Variants in BICD2 observed in about 807,000 individuals in gnomAD.
BICD2 encodes BICD cargo adaptor 2, also known as protein bicaudal D homolog 2.
In BICD2, 25 loss-of-function variants were observed where a neutral mutation model predicts 72.9. The ratio of observed to expected loss-of-function variants is 0.34; its 90% CI spans 0.25 to 0.48. The LOEUF is 0.48. BICD2 is among the 20% of genes least tolerant of loss of function. The pLI, the probability that BICD2 is intolerant of heterozygous loss-of-function variation, is 0.99. For missense variants in BICD2, 894 were observed against 1,175.2 expected (o/e 0.76, Z 3.50); for synonymous variants, 501 against 516.1 (o/e 0.97, Z 0.40).
At chr9:92,742,952 T>C (rs1324901328) in intron 1 of BICD2, among the ~76,000 whole-genome samples, 1 of 152,258 alleles carries the variant, frequency 6.6e-6, no homozygotes, top group African/African-American at 2.4e-5. Context: ...TGTTTATCCA[T>C]TCATCATTTG....
chr9:92,722,946 T>C lies in BICD2; in HGVS notation c.454-138A>G, dbSNP rs536097829. On this transcript the variant is annotated intron_variant, in intron 2 of 6. Transcript: ENST00000356884. ...GCCTGCAGGTGCCAGTGTGACTGCC[T>C]GGAGAGGAGAGGGAGCCCAGAGCAG... 120 of 1,071,046 alleles carry C rather than the reference T, an allele frequency of 1.1e-4. No individual in the cohort carries two copies. In the African/African-American group the frequency reaches 1.7e-3, roughly 15 times the overall value. The allele number at this position is 1,071,046 out of a possible 1,614,324, so 66.3% of individuals were successfully genotyped here.
At chr9:92,758,420 C>G (rs10992450) in intron 1 of BICD2, among the ~76,000 whole-genome samples, 2 of 146,146 alleles carry the variant, frequency 1.4e-5, no homozygotes, top group Non-Finnish European at 3.0e-5. Flanking sequence ...GGTGTGGTGG[C>G]GCGCACCTGT....
rs370920372 is a variant in BICD2 at position 92,719,199 on chromosome 9, C to T, written c.1446G>A (p.Thr482=). ...GRYEAEGQAL[T]EKVSLLEKAS... is the part of the protein sequence containing the mutation. ...CCTTCTCTAGCAGGGAGACCTTCTC[C>T]GTGAGTGCCTGGCCCTCAGCCTCAT... Residue 482 remains threonine (T), a synonymous_variant, in exon 5 of 7, where the codon ACG becomes ACA. Transcript: ENST00000356884. 4.2e-5 allele frequency: 67 copies of T among 1,610,704 alleles called. No individual in the cohort carries two copies. Among genetic ancestry groups the T allele is most frequent in the East Asian group, 3.8e-4 (17 of 44,890 alleles).
intron 1 of BICD2, among the ~76,000 whole-genome samples, chr9:92,754,884 T>C (rs1854223501): frequency 6.6e-6 from 1 of 152,152 alleles, no homozygotes; most frequent in Non-Finnish European, 1.5e-5. Flanking sequence ...CTGCACAAAT[T>C]GTACAGCATG....
chr9:92,762,044 G>A (rs181597981), intron 1 of BICD2, among the ~76,000 whole-genome samples: 8 of 152,276 alleles, frequency 5.3e-5, no homozygotes, highest in East Asian at 3.9e-4. Flanking sequence ...GCAGGCCAGC[G>A]TCCTTCCCTC....
chr9:92,742,629 C>G (rs1217213684), intron 1 of BICD2, among the ~76,000 whole-genome samples: 2 of 152,096 alleles, frequency 1.3e-5, no homozygotes, highest in East Asian at 3.9e-4. Flanking sequence ...GTGATCCGCC[C>G]ACCTCGACCT....
At chr9:92,728,076 G>A (rs1041590655) in intron 2 of BICD2, among the ~76,000 whole-genome samples, 1 of 152,040 alleles carries the variant, frequency 6.6e-6, no homozygotes, top group Admixed American at 6.5e-5. Context: ...TCAAGCCAGC[G>A]AGACTCTCCT....
rs902904604 is a variant in BICD2 at position 92,719,331 on chromosome 9, C to T, written c.1314G>A (p.Lys438=). The T allele has an allele frequency of 1.9e-6, 3 of 1,614,202 alleles. No individual in the cohort carries two copies. The highest frequency in any genetic ancestry group is 2.5e-6 in the Non-Finnish European group (3 of 1,180,030). The change falls in exon 5 of 7, where the codon AAG becomes AAA. Residue 438 remains lysine, a synonymous_variant. Transcript: ENST00000356884. ...CAGCCTCAGCCACAGCCACATGGTA[C>T]TTGCAGGCCAAGATCTCAGGCCCGT... ...DINGPEILAC[K]YHVAVAEAGE...
chr9:92,722,880 C>T (rs911567301), intron 2 of BICD2, 72 bp from the exon 3 acceptor site: 7 of 1,580,392 alleles, frequency 4.4e-6, no homozygotes, highest in Non-Finnish European at 5.2e-6. Context: ...TGCAGCCAGG[C>T]ACGCCATGGC....
rs1012807330 is a variant in BICD2 at position 92,748,158 on chromosome 9, G to A, written c.240+16347C>T. On this transcript the variant is annotated intron_variant, in intron 1 of 6. Coordinates refer to ENST00000356884, the MANE Select transcript of BICD2 (RefSeq NM_001003800.2). ...CAGCCAGTGGAGGGGACACACCCCC[G>A]TGACTCAGCAGCAGGAATGGCTCCC... 3.3e-5 allele frequency among the ~76,000 whole-genome samples: 5 copies of A among 152,096 alleles called. No homozygotes were observed. The South Asian group carries it at 6.2e-4, about 19-fold the overall frequency.
At chr9:92,723,784 T>C (rs1853511523) in intron 2 of BICD2, among the ~76,000 whole-genome samples, 2 of 152,212 alleles carry the variant, frequency 1.3e-5, no homozygotes, top group Admixed American at 6.5e-5. Context: ...GAGAGGCTAG[T>C]GCAGGGTTGG....
At chr9:92,755,443 C>T (rs1854235606) in intron 1 of BICD2, among the ~76,000 whole-genome samples, 1 of 152,230 alleles carries the variant, frequency 6.6e-6, no homozygotes, top group Admixed American at 6.5e-5. Context: ...TCGCACACTC[C>T]CTCCCCTTTT....
In BICD2 at chr9:92,722,743, C is replaced by G; in HGVS notation, c.519G>C (p.Arg173=). ...LRDDIKEYKF[R]EARLLQDYSE... ...AGTAGTCCTGCAGCAGACGAGCTTC[C>G]CGGAATTTGTACTCCTTGATGTCAT... The change falls in exon 3 of 7, where the codon CGG becomes CGC. Residue 173 remains arginine, a synonymous_variant. Coordinates refer to ENST00000356884, the MANE Select transcript of BICD2 (RefSeq NM_001003800.2). The G allele has an allele frequency of 6.2e-7, 1 of 1,614,206 alleles. No individual in the cohort carries two copies. The highest frequency in any genetic ancestry group is 1.6e-4 in the Middle Eastern group (1 of 6,062).
intron 1 of BICD2, among the ~76,000 whole-genome samples, chr9:92,758,127 C>T (rs1365406329): frequency 6.7e-6 from 1 of 149,676 alleles, no homozygotes; most frequent in African/African-American, 2.5e-5. Context: ...TTGCTTGAAC[C>T]TGGAAGGCAG....
chr9:92,747,262 C>T (rs1290335661), intron 1 of BICD2, among the ~76,000 whole-genome samples: 1 of 152,242 alleles, frequency 6.6e-6, no homozygotes, highest in African/African-American at 2.4e-5. Context: ...ACAGCAGCCA[C>T]AGGCCTGACC....
Position 92,757,312 on chromosome 9 carries a change from C to CAAAAAAAAAAAAAAAAAAAA in BICD2, c.240+7173_240+7192dup, listed in dbSNP as rs1169381290. 6.6e-4 allele frequency among the ~76,000 whole-genome samples: 35 copies of CAAAAAAAAAAAAAAAAAAAA among 52,738 alleles called. 1 individual carries two copies. The highest frequency in any genetic ancestry group is 1.1e-3 in the South Asian group (2 of 1,764). 34.6% of individuals were successfully genotyped at this position (52,738 alleles called of 152,430 possible). On this transcript the variant is annotated intron_variant, in intron 1 of 6. Transcript: ENST00000356884. ...CTGGGCGACAGAACGAGACTGTCTC[C>CAAAAAAAAAAAAAAAAAAAA]AAAAAAAAAAAAAAAAAAAAAAAAA...
intron 2 of BICD2, among the ~76,000 whole-genome samples, chr9:92,724,692 G>A (rs570688325): frequency 1.3e-5 from 2 of 152,190 alleles, no homozygotes; most frequent in East Asian, 1.9e-4. Flanking sequence ...GGCTACACGG[G>A]GGGTGGATAG....
intron 1 of BICD2, among the ~76,000 whole-genome samples, chr9:92,737,850 T>C (rs1853820279): frequency 6.6e-6 from 1 of 152,146 alleles, no homozygotes; most frequent in Admixed American, 6.5e-5. Context: ...CCTGGGAGGA[T>C]GGGGAAGTGC....
In BICD2 at chr9:92,715,152, C is replaced by A; in HGVS notation, c.*2G>T. 1 of 1,577,516 alleles carries A rather than the reference C, an allele frequency of 6.3e-7. No homozygotes were observed. Among genetic ancestry groups the A allele is most frequent in the South Asian group, 1.2e-5 (1 of 86,850 alleles). ...GCTGCAGCGTGCGGCGCCCCACAGCCCCTAATCACAGTAAATGCTGTGCTT... is the reference window on the plus strand; with the variant it reads ...GCTGCAGCGTGCGGCGCCCCACAGCACCTAATCACAGTAAATGCTGTGCTT... On this transcript the variant is annotated 3_prime_UTR_variant, in exon 7 of 7. Coordinates refer to ENST00000356884, the MANE Select transcript of BICD2 (RefSeq NM_001003800.2).
Sources: gnomAD v4.1 joint callset for allele counts (sites outside exome capture counted in the v4.1 genomes callset) on GRCh38, gnomAD v4.1.1 for gene constraint, MANE v1.5 for transcripts, NCBI Gene and HGNC (gene_info 2026-07-23, HGNC 2026-07-21) for gene names.